CATSPERE: variants seen among roughly 807,000 people sequenced by gnomAD.
CATSPERE encodes the protein cation channel sperm-associated auxiliary subunit epsilon.
In CATSPERE, 93 loss-of-function variants were observed where a neutral mutation model predicts 114.1. The observed-to-expected ratio is 0.81, with a 90% CI of 0.69 to 0.97. CATSPERE has a LOEUF of 0.97. CATSPERE is among the 50% of genes least tolerant of loss of function. The pLI, the probability that CATSPERE is intolerant of heterozygous loss-of-function variation, is 0.00. For missense variants in CATSPERE, 1,058 were observed against 1,131.6 expected (o/e 0.93, Z 0.93); for synonymous variants, 341 against 384.1 (o/e 0.89, Z 1.31).
intron 17 of CATSPERE, among the ~76,000 whole-genome samples, chr1:244,599,830 CA>C (rs1224182124): frequency 9.9e-5 from 15 of 152,188 alleles, no homozygotes; most frequent in African/African-American, 2.9e-4. Flanking sequence ...AGGGGGTTTG[CA>C]AAATCAATGA....
At chr1:244,572,190 T>C (rs1664562240) in intron 10 of CATSPERE, 140 bp from the exon 11 acceptor site, 1 of 622,962 alleles carries the variant, frequency 1.6e-6, no homozygotes, top group African/African-American at 1.9e-5. Flanking sequence ...TATGGGTTCA[T>C]ATCTGCACAT....
At chr1:244,452,060 G>A (rs1441520777), upstream of CATSPERE, 2 of 357,440 alleles carry the variant, frequency 5.6e-6, no homozygotes, top group African/African-American at 2.1e-5. Context: ...CGCAGGAAGA[G>A]GCCCTGGTGG....
At chr1:244,553,267 A>C (rs1370520811) in intron 9 of CATSPERE, among the ~76,000 whole-genome samples, 1 of 152,034 alleles carries the variant, frequency 6.6e-6, no homozygotes, top group African/African-American at 2.4e-5. Context: ...GAAATGTTAA[A>C]AATATTGTTG....
chr1:244,569,537 AT>A (rs1333062231), intron 10 of CATSPERE, among the ~76,000 whole-genome samples: 1 of 152,140 alleles, frequency 6.6e-6, no homozygotes, highest in East Asian at 1.9e-4. Flanking sequence ...GGAGTTTGGT[AT>A]TTAGAATTTG....
At chr1:244,531,082 T>A (rs12725508) in intron 8 of CATSPERE, among the ~76,000 whole-genome samples, 27,422 of 149,614 alleles carry the variant, frequency 0.18, 2,849 homozygotes, top group African/African-American at 0.29. Flanking sequence ...AAAAAAAATT[T>A]AAAAAAAGCC....
chr1:244,600,114 A>T (rs1668986129), intron 17 of CATSPERE, among the ~76,000 whole-genome samples: 2 of 152,184 alleles, frequency 1.3e-5, no homozygotes, highest in Admixed American at 1.3e-4. Flanking sequence ...CGTGATAGAC[A>T]CGTCATCCTG....
chr1:244,451,890 G>C, upstream of CATSPERE: 2 of 1,389,040 alleles, frequency 1.4e-6, no homozygotes, highest in Non-Finnish European at 1.9e-6. This position sits in a 1 kb window ranked among gnomAD's most constrained non-coding sequence, Gnocchi z 6.6. Flanking sequence ...CTGCTCTGCG[G>C]CCGCCAGCCA....
intron 8 of CATSPERE, among the ~76,000 whole-genome samples, chr1:244,535,600 G>C (rs367879019): frequency 2.0e-5 from 3 of 152,140 alleles, no homozygotes; most frequent in African/African-American, 7.2e-5. Flanking sequence ...AGGACCAAAG[G>C]CTTTTTAGTC....
chr1:244,557,584 A>ATATAT (rs1558491907), intron 9 of CATSPERE, among the ~76,000 whole-genome samples: 2 of 34,626 alleles, frequency 5.8e-5, no homozygotes, highest in South Asian at 1.4e-3. Context: ...TATATATATA[A>ATATAT]AATCTCCCAG....
chr1:244,457,339 A>C (rs1242236118), upstream of CATSPERE, among the ~76,000 whole-genome samples: 1 of 152,248 alleles, frequency 6.6e-6, no homozygotes, highest in Non-Finnish European at 1.5e-5. Context: ...TTATGGTCAA[A>C]GTAATTAAAA....
intron 6 of CATSPERE, among the ~76,000 whole-genome samples, chr1:244,493,971 T>C (rs1672666609): frequency 6.6e-6 from 1 of 152,130 alleles, no homozygotes; most frequent in Non-Finnish European, 1.5e-5. Flanking sequence ...GGAGAGGATG[T>C]GGAGAAATAG....
At chr1:244,572,803 A>C (rs1046583385) in intron 11 of CATSPERE, 31 bp downstream of exon 11, 4 of 1,405,360 alleles carry the variant, frequency 2.8e-6, no homozygotes, top group Non-Finnish European at 3.9e-6. Flanking sequence ...TCTTCATTTG[A>C]TTTTAATAAG....
intron 6 of CATSPERE, among the ~76,000 whole-genome samples, chr1:244,494,845 C>T (rs1397249386): frequency 6.6e-6 from 1 of 152,078 alleles, no homozygotes. Context: ...ATTGCGTAAG[C>T]TCATGTGCCC....
intron 19 of CATSPERE, among the ~76,000 whole-genome samples, chr1:244,613,990 C>T (rs1231824141): frequency 6.6e-6 from 1 of 152,116 alleles, no homozygotes; most frequent in Admixed American, 6.5e-5. Flanking sequence ...CCTGAGCTAT[C>T]GTGCTCTGCC....
At chr1:244,468,857 GC>G (rs1303193723) in intron 2 of CATSPERE, among the ~76,000 whole-genome samples, 2 of 152,182 alleles carry the variant, frequency 1.3e-5, no homozygotes, top group African/African-American at 4.8e-5. Flanking sequence ...GGGAGAGGCT[GC>G]AGTGAGCTAT....
In CATSPERE at chr1:244,637,306, G is replaced by C. The variant is rs181042518; in HGVS notation, c.2702+1764G>C. Among the ~76,000 whole-genome samples the C allele has an allele frequency of 4.3e-4, 66 of 152,058 alleles. 2 individuals carry two copies. The highest frequency in any genetic ancestry group is 1.7e-3 in the East Asian group (9 of 5,178). ...TGCATTCATTCTCAACTTTGGCCCCGTCACACTCACACTGTTTTCCTCTCC... is the reference window on the plus strand; with the variant it reads ...TGCATTCATTCTCAACTTTGGCCCCCTCACACTCACACTGTTTTCCTCTCC... On this transcript the variant is annotated intron_variant, in intron 21 of 21. Coordinates refer to ENST00000366534, the MANE Select transcript of CATSPERE (RefSeq NM_001130957.2).
intron 10 of CATSPERE, among the ~76,000 whole-genome samples, chr1:244,569,799 T>G (rs1420654562): frequency 6.6e-6 from 1 of 152,228 alleles, no homozygotes; most frequent in Non-Finnish European, 1.5e-5. Flanking sequence ...TTGTATTATG[T>G]ATTCATTCCT....
intron 17 of CATSPERE, among the ~76,000 whole-genome samples, chr1:244,599,704 G>C (rs923638867): frequency 6.6e-5 from 10 of 152,178 alleles, no homozygotes; most frequent in African/African-American, 2.2e-4. Flanking sequence ...TTCTGCCTCT[G>C]TTACCTTTCT....
At chr1:244,565,318 G>A (rs983139530) in intron 10 of CATSPERE, among the ~76,000 whole-genome samples, 2 of 152,176 alleles carry the variant, frequency 1.3e-5, no homozygotes, top group Non-Finnish European at 2.9e-5. Context: ...GTTTCAGAAG[G>A]AATGGTACCA....
Sources: gnomAD v4.1 joint callset for allele counts (sites outside exome capture counted in the v4.1 genomes callset) on GRCh38, gnomAD v4.1.1 for gene constraint, Gnocchi (gnomAD v3.1) non-coding constraint, MANE v1.5 for transcripts, NCBI Gene and HGNC (gene_info 2026-07-23, HGNC 2026-07-21) for gene names.